Variants in CAST observed in about 807,000 individuals in gnomAD.
CAST encodes the protein MIR583 host.
In CAST, 76 loss-of-function variants were observed where a neutral mutation model predicts 119.6. The observed-to-expected ratio is 0.64, with a 90% CI of 0.53 to 0.77. The LOEUF (loss-of-function observed/expected upper bound fraction) is 0.77, where lower values mean the gene tolerates loss of function less well. CAST is among the 30% of genes least tolerant of loss of function. CAST has a pLI of 0.00. For synonymous variants in CAST, 319 were observed against 331.6 expected, an observed-to-expected ratio of 0.96 and a Z score of 0.41; for missense variants, 953 against 946.5, an observed-to-expected ratio of 1.01 and a Z score of -0.09.
At chr5:96,410,308 G>T in the CAST span, among the ~76,000 whole-genome samples, 1 of 152,094 alleles carries the variant, frequency 6.6e-6, no homozygotes, top group African/African-American at 2.4e-5. Flanking sequence ...CTATTTTCCT[G>T]CAGGTCATCC....
At chr5:96,492,386 G>A in the CAST span, among the ~76,000 whole-genome samples, 1 of 152,060 alleles carries the variant, frequency 6.6e-6, no homozygotes, top group Non-Finnish European at 1.5e-5. Flanking sequence ...CTCTAGTTTT[G>A]TATGTTTTAC....
chr5:96,095,689 A>G, the CAST span, among the ~76,000 whole-genome samples: 1 of 152,146 alleles, frequency 6.6e-6, no homozygotes, highest in South Asian at 2.1e-4. Context: ...CTAGGCACCA[A>G]AAAGAAATTG....
the CAST span, among the ~76,000 whole-genome samples, chr5:96,125,742 T>A: frequency 6.6e-6 from 1 of 152,152 alleles, no homozygotes; most frequent in Non-Finnish European, 1.5e-5. Context: ...TTTCTGTATC[T>A]TTTTTTAGCC....
At chr5:96,638,274 T>C (rs2150202866) in intron 1 of CAST, among the ~76,000 whole-genome samples, 1 of 150,654 alleles carries the variant, frequency 6.6e-6, no homozygotes, top group African/African-American at 2.4e-5. Flanking sequence ...GCCGTGGTGG[T>C]ACACGCCTGT....
At chr5:96,484,658 G>C in the CAST span, among the ~76,000 whole-genome samples, 1 of 152,116 alleles carries the variant, frequency 6.6e-6, no homozygotes, top group African/African-American at 2.4e-5. Context: ...GAGAAAAAGA[G>C]GAGAAATTTT....
At chr5:96,438,993 A>G in the CAST span, among the ~76,000 whole-genome samples, 1 of 152,224 alleles carries the variant, frequency 6.6e-6, no homozygotes, top group Non-Finnish European at 1.5e-5. Context: ...GGGTGAGGAC[A>G]GAGAAATCGC....
At chr5:96,393,375 G>T in the CAST span, 1 of 1,613,680 alleles carries the variant, frequency 6.2e-7, no homozygotes, top group Non-Finnish European at 8.5e-7. Context: ...TGTGTGGGCT[G>T]CTCCTAAAAC....
the CAST span, among the ~76,000 whole-genome samples, chr5:96,044,406 AT>A: frequency 2.6e-3 from 393 of 152,354 alleles, 1 homozygote; most frequent in Non-Finnish European, 4.0e-3. Context: ...TAGAAGATCT[AT>A]AAAAAACAGT....
the CAST span, among the ~76,000 whole-genome samples, chr5:96,290,231 T>G: frequency 6.6e-6 from 1 of 152,200 alleles, no homozygotes; most frequent in Non-Finnish European, 1.5e-5. Context: ...TAGGGGCTTA[T>G]AGAATATCAA....
intron 1 of CAST, chr5:96,584,747 C>T (rs1746828085): frequency 6.6e-6 from 1 of 152,242 alleles, no homozygotes; most frequent in Admixed American, 6.5e-5. Flanking sequence ...ACTCAAACTT[C>T]CCAGGAGAAG....
chr5:96,489,701 T>C, the CAST span, among the ~76,000 whole-genome samples: 1,130 of 152,250 alleles, frequency 7.4e-3, 15 homozygotes, highest in African/African-American at 0.026. Flanking sequence ...GTCTAGGGGA[T>C]GTAGCTCTTC....
At chr5:96,469,715 T>G in the CAST span, among the ~76,000 whole-genome samples, 1 of 151,642 alleles carries the variant, frequency 6.6e-6, no homozygotes, top group Non-Finnish European at 1.5e-5. Context: ...TCAAATACTG[T>G]TTTCTAGTTG....
chr5:96,280,943 A>G, the CAST span, among the ~76,000 whole-genome samples: 1 of 152,126 alleles, frequency 6.6e-6, no homozygotes, highest in Non-Finnish European at 1.5e-5. Flanking sequence ...TTCCAGGGAA[A>G]TGTCTTGCAA....
At position 96,758,745 on chromosome 5, in the gene CAST, G is replaced by A. The variant is rs6889044; in HGVS notation, c.1833+1091G>A. Among the ~76,000 whole-genome samples the A allele has an allele frequency of 3.4e-3, 524 of 152,276 alleles. 1 individual carries two copies. Among genetic ancestry groups the A allele is most frequent in the African/African-American group, 0.012 (489 of 41,544 alleles). ...TTCTCTGTACCCCTGTAAAAGCACC[G>A]TGCTGCTCAGTCACCTCATCCCGTG... On this transcript the variant is annotated intron_variant, in intron 24 of 31. Coordinates refer to ENST00000675179, the MANE Select transcript of CAST (RefSeq NM_001750.7).
the CAST span, among the ~76,000 whole-genome samples, chr5:96,193,055 T>C: frequency 6.6e-6 from 1 of 152,298 alleles, no homozygotes; most frequent in African/African-American, 2.4e-5. Context: ...TTCCAGTAAA[T>C]AAAAATTAAT....
chr5:96,614,962 T>C (rs1231794628), intron 1 of CAST, among the ~76,000 whole-genome samples: 3 of 152,214 alleles, frequency 2.0e-5, no homozygotes, highest in Non-Finnish European at 4.4e-5. Context: ...GGCTTTAGCC[T>C]AGTATAGGCA....
intron 1 of CAST, among the ~76,000 whole-genome samples, chr5:96,616,751 TATACACACACACACACACACAC>T (rs1747464379): frequency 8.4e-6 from 1 of 118,438 alleles, no homozygotes; most frequent in Non-Finnish European, 1.7e-5. Flanking sequence ...TCTCTATATA[TATACACACACACACACACACAC>T]ACACACACAC....
At chr5:96,266,742 A>G in the CAST span, among the ~76,000 whole-genome samples, 1 of 152,318 alleles carries the variant, frequency 6.6e-6, no homozygotes, top group African/African-American at 2.4e-5. Context: ...ATACATAACT[A>G]ATTCATCAAT....
At chr5:96,239,846 A>G in the CAST span, among the ~76,000 whole-genome samples, 1 of 151,798 alleles carries the variant, frequency 6.6e-6, no homozygotes, top group Non-Finnish European at 1.5e-5. Flanking sequence ...CTATAGTGTC[A>G]ATTCTATCTT....
Sources: gnomAD v4.1 joint callset for allele counts (sites outside exome capture counted in the v4.1 genomes callset) on GRCh38, gnomAD v4.1.1 for gene constraint, MANE v1.5 for transcripts, NCBI Gene and HGNC (gene_info 2026-07-23, HGNC 2026-07-21) for gene names.